Variants in DISP3 observed in about 807,000 individuals in gnomAD.
The protein encoded by DISP3 is dispatched RND transporter family member 3, also known as protein dispatched homolog 3.
DISP3 carries 101 observed loss-of-function variants against 135.3 expected under a neutral mutation model. That is an observed-to-expected ratio of 0.75 (90% confidence interval 0.64 to 0.88). The LOEUF (loss-of-function observed/expected upper bound fraction) is 0.88. Ranked by LOEUF, DISP3 falls within the 40% of genes least tolerant of loss-of-function variation. The pLI is 0.00. For synonymous variants in DISP3, 856 were observed against 817.0 expected, an observed-to-expected ratio of 1.05 and a Z score of -0.81; for missense variants, 1,713 against 1,878.6, an observed-to-expected ratio of 0.91 and a Z score of 1.63.
At chr1:11,479,533 G>A (rs1458887072) in intron 1 of DISP3, among the ~76,000 whole-genome samples, 161 bp downstream of exon 1, 2 of 152,208 alleles carry the variant, frequency 1.3e-5, no homozygotes, top group African/African-American at 2.4e-5. Context: ...TGCGGGCCTC[G>A]GAGCCCCCCG....
Position 11,531,544 on chromosome 1 carries a change from C to G in DISP3, c.3230-21C>G. 1 of 1,613,166 alleles carries G rather than the reference C, an allele frequency of 6.2e-7. No individual in the cohort carries two copies. On this transcript the variant is annotated intron_variant, in intron 16 of 20. Transcript: ENST00000294484. This position sits in a 1 kb window ranked among gnomAD's most constrained non-coding sequence, Gnocchi z 5.2. The stretch of plus-strand genomic sequence containing the variant: ...CTCTTCCAGGGCCACCACGCACTCC[C>G]TTTCTTGCCTCTCCCCGCAGGCTAC...
In DISP3 at chr1:11,519,379, G is replaced by A. The variant is rs1372274508; in HGVS notation, c.1914G>A (p.Lys638=). 1.9e-6 allele frequency: 3 copies of A among 1,613,800 alleles called. No homozygotes were observed. The highest frequency in any genetic ancestry group is 2.2e-5 in the South Asian group (2 of 91,072). The change falls in exon 8 of 21, where the codon AAG becomes AAA. Residue 638 remains lysine (K), a synonymous_variant. Transcript: ENST00000294484. The surrounding 1 kb of genome is among the most constrained non-coding windows in gnomAD (Gnocchi z 4.3). ...GCTGCCACCAGAATTGCAGCCGGAA[G>A]ACCTCCCTGCACTTCCCCGGAGACG... ...QTSCHQNCSR[K]TSLHFPGDVF...
intron 18 of DISP3, 99 bp from the exon 19 acceptor site, chr1:11,534,912 G>A (rs1313683343): frequency 9.4e-7 from 1 of 1,066,162 alleles, no homozygotes; most frequent in Non-Finnish European, 1.4e-6. Flanking sequence ...TTACAGACTG[G>A]GAGTCGGAGT....
chr1:11,501,740 C>G lies in DISP3; in HGVS notation c.748C>G (p.Arg250Gly). The change falls in exon 2 of 21, where the codon CGC becomes GGC. Residue 250 changes from arginine to glycine, a missense_variant. Physicochemically the swap from Arg to Gly is moderately radical, Grantham distance 125. This residue lies in a region of DISP3 where 571 missense variants were observed against 494.1 expected (regional missense o/e 1.16). Transcript: ENST00000294484. This position sits in a 1 kb window ranked among gnomAD's most constrained non-coding sequence, Gnocchi z 4.9. ...AGTCGCGGCCAATCAGAGCCGTGCCCGCCGAGGCGCCTCGCGCTGGGACTA... is the reference window on the plus strand; with the variant it reads ...AGTCGCGGCCAATCAGAGCCGTGCCGGCCGAGGCGCCTCGCGCTGGGACTA... ...AAVAANQSRARRGASRWDYSR... is the reference protein window; with the variant it reads ...AAVAANQSRAGRGASRWDYSR... The G allele has an allele frequency of 1.3e-6, 2 of 1,591,524 alleles. No individual in the cohort carries two copies. Among genetic ancestry groups the G allele is most frequent in the African/African-American group, 1.3e-5 (1 of 74,594 alleles).
At chr1:11,500,915 G>A (rs768251448) in intron 1 of DISP3, 75 bp from the exon 2 acceptor site, 7 of 1,520,852 alleles carry the variant, frequency 4.6e-6, no homozygotes, top group Non-Finnish European at 6.3e-6. Context: ...GGTACCTAGG[G>A]CTGGGCGAAC....
chr1:11,500,989 G>A lies in DISP3; in HGVS notation c.-3-1G>A, dbSNP rs895105585. 1 of 1,613,730 alleles carries A rather than the reference G, an allele frequency of 6.2e-7. No individual in the cohort carries two copies. The highest frequency in any genetic ancestry group is 8.5e-7 in the Non-Finnish European group (1 of 1,179,930). ...CTGCTGACCCTCTCCCTCTCCTGCA[G>A]ACTATGGACACGGAGGATGACCCCT... On this transcript the variant is annotated splice_acceptor_variant, in intron 1 of 20. Transcript: ENST00000294484. LOFTEE classifies it low-confidence loss of function (5UTR_SPLICE).
rs1640961695 is a variant in DISP3 at position 11,483,619 on chromosome 1, C to T, written c.-4+4247C>T. Among the ~76,000 whole-genome samples, 1 of 152,140 alleles carries T rather than the reference C, an allele frequency of 6.6e-6. No homozygotes were observed. The highest frequency in any genetic ancestry group is 1.5e-5 in the Non-Finnish European group (1 of 68,030). ...AATAAATATTTTCTTGTCGAGAAAC[C>T]TGTTTATATGATGGGTTTCAAAAGA... On this transcript the variant is annotated intron_variant, in intron 1 of 20. Transcript: ENST00000294484. The surrounding 1 kb of genome is among the most constrained non-coding windows in gnomAD (Gnocchi z 5.4).
intron 1 of DISP3, among the ~76,000 whole-genome samples, chr1:11,480,677 GCA>G (rs70983561): frequency 0.046 from 6,620 of 142,652 alleles, 173 homozygotes; most frequent in Admixed American, 0.07. Context: ...GCGCGCGCGT[GCA>G]CACACACACA....
rs1642098766 is a variant in DISP3 at position 11,519,239 on chromosome 1, G to C, written c.1890-116G>C. 3.2e-6 allele frequency: 4 copies of C among 1,265,416 alleles called. No homozygotes were observed. The highest frequency in any genetic ancestry group is 4.4e-6 in the Non-Finnish European group (4 of 909,204). 78.4% of individuals were successfully genotyped at this position (1,265,416 alleles called of 1,614,324 possible). On this transcript the variant is annotated intron_variant, in intron 7 of 20. Transcript: ENST00000294484. This position sits in a 1 kb window ranked among gnomAD's most constrained non-coding sequence, Gnocchi z 4.3. Reference sequence around the variant, plus strand: ...CAGAAGTCTGGGGTGCTCATCCTGTGTGTGACGTCAGCAGCACTGTGATAC... The same window carrying C: ...CAGAAGTCTGGGGTGCTCATCCTGTCTGTGACGTCAGCAGCACTGTGATAC...
intron 1 of DISP3, among the ~76,000 whole-genome samples, chr1:11,498,285 T>C (rs1489381450): frequency 1.3e-5 from 2 of 152,204 alleles, no homozygotes; most frequent in Non-Finnish European, 2.9e-5. Flanking sequence ...CTGGAAAGAC[T>C]TCAAGGCTAG....
Position 11,535,020 on chromosome 1 carries a change from G to T in DISP3, c.3545G>T (p.Ser1182Ile). Residue 1182 changes from serine (S) to isoleucine (I), a missense_variant, in exon 19 of 21, where the codon AGC (serine) becomes ATC (isoleucine). By Grantham distance (142) the Ser-to-Ile change is moderately radical. Coordinates refer to ENST00000294484, the MANE Select transcript of DISP3 (RefSeq NM_020780.2). Reference sequence around the variant, plus strand: ...CTGTCCTCCCTTGCAGGGGTGCAGAGCGCCCTGTGCGGCCTGGTGCTATCC... The same window carrying T: ...CTGTCCTCCCTTGCAGGGGTGCAGATCGCCCTGTGCGGCCTGGTGCTATCC... ...QIFMEIVGVQ[S>I]ALCGLVLSLL... is the part of the protein sequence containing the mutation. 1 of 1,585,126 alleles carries T rather than the reference G, an allele frequency of 6.3e-7. No individual in the cohort carries two copies.
intron 10 of DISP3, among the ~76,000 whole-genome samples, chr1:11,522,724 C>G (rs1488849986): frequency 7.3e-6 from 1 of 137,070 alleles, no homozygotes; most frequent in Non-Finnish European, 1.6e-5. Flanking sequence ...AGGGCCCAGC[C>G]AGGGCCCAGC....
Position 11,536,044 on chromosome 1 carries a change from G to A in DISP3, c.3817-280G>A, listed in dbSNP as rs369561254. On this transcript the variant is annotated intron_variant, in intron 20 of 20. Coordinates refer to ENST00000294484, the MANE Select transcript of DISP3 (RefSeq NM_020780.2). The surrounding 1 kb of genome is among the most constrained non-coding windows in gnomAD (Gnocchi z 4.3). ...CAAAACCGGCTCTGGGCCTAGTAACGATTTTTTTCTTTAGTTTGGAATTGC... is the reference window on the plus strand; with the variant it reads ...CAAAACCGGCTCTGGGCCTAGTAACAATTTTTTTCTTTAGTTTGGAATTGC... Among the ~76,000 whole-genome samples, 48 of 152,306 alleles carry A rather than the reference G, an allele frequency of 3.2e-4. 1 individual carries two copies. The South Asian group carries it at 8.9e-3, about 28-fold the overall frequency.
intron 1 of DISP3, among the ~76,000 whole-genome samples, chr1:11,494,916 G>A (rs1436258807): frequency 6.6e-6 from 1 of 152,088 alleles, no homozygotes; most frequent in Non-Finnish European, 1.5e-5. Context: ...AGGACCACAG[G>A]GAGGCTCTGG....
At position 11,523,423 on chromosome 1, in the gene DISP3, G is replaced by T. The variant is rs75100834; in HGVS notation, c.2363-519G>T. Among the ~76,000 whole-genome samples the T allele has an allele frequency of 1.7e-4, 26 of 152,132 alleles. No individual in the cohort carries two copies. The East Asian group carries it at 5.1e-3, about 30-fold the overall frequency. ...GGCATCATCTCCACCCGACAGAGGC[G>T]GCAGAGTGGCACAGAGAGGGTGAGC... On this transcript the variant is annotated intron_variant, in intron 10 of 20. Transcript: ENST00000294484.
At chr1:11,514,655 G>A in intron 4 of DISP3, 129 bp downstream of exon 4, 1 of 1,276,894 alleles carries the variant, frequency 7.8e-7, no homozygotes, top group Non-Finnish European at 1.1e-6. Context: ...ACAGGGATAT[G>A]CACACAAATC....
At chr1:11,507,103 G>GA (rs1641725229) in intron 3 of DISP3, among the ~76,000 whole-genome samples, 1 of 152,042 alleles carries the variant, frequency 6.6e-6, no homozygotes, top group African/African-American at 2.4e-5. Context: ...AACATTATGT[G>GA]AAAAAAACAC....
Position 11,530,143 on chromosome 1 carries a change from G to A in DISP3, c.3102+184G>A, listed in dbSNP as rs140649485. On this transcript the variant is annotated intron_variant, in intron 15 of 20. Transcript: ENST00000294484. ...CGGTTTTTCTTGAGGACTCAATGGC[G>A]TTGACCTCTTAGATTCACCCAGGAA... Among the ~76,000 whole-genome samples the A allele has an allele frequency of 4.4e-3, 667 of 152,284 alleles. 3 individuals are homozygous for A. The highest frequency in any genetic ancestry group is 6.9e-3 in the Non-Finnish European group (469 of 68,018).
Position 11,502,816 on chromosome 1 carries a change from A to G in DISP3, c.1235A>G (p.Asp412Gly). 1 of 1,614,226 alleles carries G rather than the reference A, an allele frequency of 6.2e-7. No individual in the cohort carries two copies. Among genetic ancestry groups the G allele is most frequent in the Non-Finnish European group, 8.5e-7 (1 of 1,180,040 alleles). ...CCCCTGCCCAACTACTACTCAGTAG[A>G]TGACCGCTGGGAGGAACAACGGGCT... is the stretch of plus-strand genomic sequence containing the variant. ...GAPLPNYYSV[D>G]DRWEEQRAKF... Residue 412 changes from aspartate (D) to glycine (G), a missense_variant, in exon 3 of 21, where the codon GAT (aspartate) becomes GGT (glycine). By Grantham distance (94) the Asp-to-Gly change is moderately conservative (BLOSUM62 -1). Coordinates refer to ENST00000294484, the MANE Select transcript of DISP3 (RefSeq NM_020780.2).
Sources: gnomAD v4.1 joint callset for allele counts (sites outside exome capture counted in the v4.1 genomes callset) on GRCh38, gnomAD v4.1.1 for gene constraint, gnomAD v4.1.1 regional missense constraint, Gnocchi (gnomAD v3.1) non-coding constraint, MANE v1.5 for transcripts, NCBI Gene and HGNC (gene_info 2026-07-23, HGNC 2026-07-21) for gene names.